The following C10orf90 variants were observed in gnomAD, a reference collection of about 807,000 sequenced individuals.
The protein encoded by C10orf90 is chromosome 10 open reading frame 90, also known as (E2-independent) E3 ubiquitin-conjugating enzyme FATS.
A neutral mutation model predicts 62.5 loss-of-function variants in C10orf90; 56 were observed. That is an observed-to-expected ratio of 0.90 (90% confidence interval 0.72 to 1.12). C10orf90 has a LOEUF of 1.12. C10orf90 is among the 50% of genes most tolerant of loss of function. The pLI is 0.00. For missense variants in C10orf90, 970 were observed against 880.4 expected (o/e 1.10, Z -1.29); for synonymous variants, 386 against 340.4 (o/e 1.13, Z -1.47).
chr10:126,545,076 G>A (rs1310078040), intron 2 of C10orf90, among the ~76,000 whole-genome samples: 1 of 152,130 alleles, frequency 6.6e-6, no homozygotes, highest in African/African-American at 2.4e-5. Context: ...GCATCTTACA[G>A]CTTAGCCAAA....
intron 2 of C10orf90, among the ~76,000 whole-genome samples, chr10:126,538,045 ATATATCT>A (rs1332597216): frequency 6.6e-6 from 1 of 152,206 alleles, no homozygotes; most frequent in Non-Finnish European, 1.5e-5. Flanking sequence ...GCTAATAAAG[ATATATCT>A]AAGACTGGGT....
chr10:126,499,648 A>G (rs1409752782), intron 4 of C10orf90, among the ~76,000 whole-genome samples: 2 of 152,150 alleles, frequency 1.3e-5, no homozygotes, highest in Non-Finnish European at 2.9e-5. Flanking sequence ...TCATTTGGAG[A>G]CCTGGCAAGG....
At chr10:126,648,268 G>C (rs10751566) in intron 1 of C10orf90, among the ~76,000 whole-genome samples, 87,784 of 151,932 alleles carry the variant, frequency 0.58, 25,468 homozygotes, top group African/African-American at 0.6. Context: ...GTTACCTCTA[G>C]CAATGAATAA....
rs1857222728 is a variant in C10orf90, at chr10:126,425,736, A to G, written c.*128T>C. ...AATTCAGGAAGTGATGTTTTCCTTT[A>G]TGGAAAAAAAAAATCGAAAGTAAAA... On this transcript the variant is annotated 3_prime_UTR_variant, in exon 10 of 10. Coordinates refer to ENST00000488181, the MANE Select transcript of C10orf90 (RefSeq NM_001350921.2). 1 of 985,500 alleles carries G rather than the reference A, an allele frequency of 1.0e-6. No individual in the cohort carries two copies. Among genetic ancestry groups the G allele is most frequent in the Admixed American group, 3.0e-5 (1 of 33,404 alleles). 61.0% of individuals were successfully genotyped at this position (985,500 alleles called of 1,614,324 possible). A position where few individuals can be genotyped will look rare whatever the true frequency, so the allele number is the denominator to read the frequency against.
intron 2 of C10orf90, among the ~76,000 whole-genome samples, chr10:126,598,536 C>A (rs1845131832): frequency 6.6e-6 from 1 of 152,124 alleles, no homozygotes; most frequent in South Asian, 2.1e-4. Context: ...ATTTAAGCAT[C>A]CATAACACCA....
chr10:126,490,029 ATATATAATATATATTATATATTATGT>A (rs1294810624), intron 4 of C10orf90, among the ~76,000 whole-genome samples: 37 of 102,594 alleles, frequency 3.6e-4, no homozygotes, highest in African/African-American at 1.8e-3. Flanking sequence ...ATAATATATA[ATATATAATATATATTATATATTATGT>A]TATATAATAT....
intron 3 of C10orf90, among the ~76,000 whole-genome samples, chr10:126,512,845 G>T (rs1863210064): frequency 6.6e-6 from 1 of 152,138 alleles, no homozygotes; most frequent in Non-Finnish European, 1.5e-5. Context: ...TAAATCTCAG[G>T]ACCCCAAATA....
chr10:126,481,020 G>T (rs1861137286), intron 4 of C10orf90, among the ~76,000 whole-genome samples: 1 of 110,472 alleles, frequency 9.1e-6, no homozygotes. Flanking sequence ...CTGCTCTGCA[G>T]TCCCACTGGT....
intron 2 of C10orf90, among the ~76,000 whole-genome samples, chr10:126,570,096 T>G (rs182203474): frequency 3.9e-5 from 6 of 152,314 alleles, no homozygotes; most frequent in Non-Finnish European, 7.3e-5. Flanking sequence ...GGTGCTGGTG[T>G]TACACTGCAT....
chr10:126,630,631 C>T (rs953692012), intron 2 of C10orf90, among the ~76,000 whole-genome samples: 1 of 152,124 alleles, frequency 6.6e-6, no homozygotes, highest in African/African-American at 2.4e-5. Context: ...GGCTCTGAAG[C>T]CCCCACAAGC....
chr10:126,564,821 A>ACTCT lies in C10orf90; in HGVS notation c.314-50886_314-50883dup, dbSNP rs201641432. On this transcript the variant is annotated intron_variant, in intron 2 of 9. Coordinates refer to ENST00000488181, the MANE Select transcript of C10orf90 (RefSeq NM_001350921.2). ...ACTCAATTACAAGTTTAGGAATAAG[A>ACTCT]CTCTCTCTCTCTATATATATATTAT... Among the ~76,000 whole-genome samples the ACTCT allele has an allele frequency of 1.2e-3, 16 of 12,988 alleles. 2 individuals are homozygous for ACTCT. The highest frequency in any genetic ancestry group is 5.0e-3 in the East Asian group (2 of 404). 8.5% of individuals were successfully genotyped at this position (12,988 alleles called of 152,430 possible).
chr10:126,595,279 T>C (rs1845061507), intron 2 of C10orf90, among the ~76,000 whole-genome samples: 1 of 152,152 alleles, frequency 6.6e-6, no homozygotes, highest in Non-Finnish European at 1.5e-5. Context: ...GAAATTCTAA[T>C]TGATATCCAT....
intron 4 of C10orf90, among the ~76,000 whole-genome samples, chr10:126,469,089 A>T (rs1395077018): frequency 2.0e-5 from 3 of 152,204 alleles, no homozygotes; most frequent in African/African-American, 7.2e-5. Flanking sequence ...AAACCAGTAC[A>T]ACAGCAAGAC....
At chr10:126,454,099 G>A (rs747243569) in intron 7 of C10orf90, among the ~76,000 whole-genome samples, 3 of 152,018 alleles carry the variant, frequency 2.0e-5, no homozygotes, top group Non-Finnish European at 4.4e-5. Flanking sequence ...AATGGGGCAT[G>A]GTGAAGACTG....
At chr10:126,618,850 A>G (rs901876049) in intron 2 of C10orf90, among the ~76,000 whole-genome samples, 2 of 152,230 alleles carry the variant, frequency 1.3e-5, no homozygotes, top group African/African-American at 2.4e-5. Context: ...CAAACTGTGT[A>G]TAAAGGAAAG....
intron 4 of C10orf90, among the ~76,000 whole-genome samples, chr10:126,474,576 T>A (rs1010028357): frequency 1.3e-5 from 2 of 151,988 alleles, no homozygotes; most frequent in African/African-American, 4.8e-5. Context: ...AATAAACAGA[T>A]GTAAATGCAT....
chr10:126,637,063 C>G (rs550760759), intron 2 of C10orf90, among the ~76,000 whole-genome samples: 1 of 152,226 alleles, frequency 6.6e-6, no homozygotes, highest in East Asian at 1.9e-4. Flanking sequence ...AAACTTCTTT[C>G]TTTAAAGGAG....
Position 126,464,715 on chromosome 10 carries a change from T to G in C10orf90, c.1806A>C (p.Ile602=). 6.2e-7 allele frequency: 1 copy of G among 1,609,016 alleles called. No homozygotes were observed. Among genetic ancestry groups the G allele is most frequent in the Non-Finnish European group, 8.5e-7 (1 of 1,176,054 alleles). ...ASLQEDNGVQ[I]ESKFPKGDYT... The stretch of plus-strand genomic sequence containing the variant: ...CCTTACCTTTGGGGAACTTGCTTTC[T>G]ATCTGAACACCATTGTCTTCCTGCA... Residue 602 remains isoleucine, a synonymous_variant, in exon 5 of 10, where the codon ATA becomes ATC. Coordinates refer to ENST00000488181, the MANE Select transcript of C10orf90 (RefSeq NM_001350921.2).
At chr10:126,589,403 A>G (rs985572799) in intron 2 of C10orf90, among the ~76,000 whole-genome samples, 8 of 152,046 alleles carry the variant, frequency 5.3e-5, no homozygotes, top group African/African-American at 1.7e-4. Flanking sequence ...AGACACGATC[A>G]TCAGATTCTC....
Sources: gnomAD v4.1 joint callset for allele counts (sites outside exome capture counted in the v4.1 genomes callset) on GRCh38, gnomAD v4.1.1 for gene constraint, MANE v1.5 for transcripts, NCBI Gene and HGNC (gene_info 2026-07-23, HGNC 2026-07-21) for gene names.